Variants in ROBO2 observed in about 807,000 individuals in gnomAD.
The protein encoded by ROBO2 is roundabout homolog 2.
Under a neutral mutation model 160.8 loss-of-function variants are expected in ROBO2, and 53 were observed. The observed-to-expected ratio is 0.33, with a 90% CI of 0.26 to 0.41. ROBO2 has a LOEUF of 0.41. Ranked by LOEUF, ROBO2 falls within the 10% of genes least tolerant of loss-of-function variation. The pLI, the probability that ROBO2 is intolerant of heterozygous loss-of-function variation, is 1.00. For synonymous variants in ROBO2, 664 were observed against 611.7 expected (o/e 1.09, Z -1.26); for missense variants, 1,577 against 1,722.4 (o/e 0.92, Z 1.49).
At chr3:77,142,611 G>A (rs74788742) in intron 2 of ROBO2, among the ~76,000 whole-genome samples, 2 of 152,304 alleles carry the variant, frequency 1.3e-5, no homozygotes, top group South Asian at 2.1e-4. Context: ...AATTGTCCAC[G>A]TAGCAGGCAA....
At chr3:75,992,861 A>T (rs956223814) in intron 2 of ROBO2, among the ~76,000 whole-genome samples, 2 of 152,170 alleles carry the variant, frequency 1.3e-5, no homozygotes, top group African/African-American at 2.4e-5. Context: ...GTCAAAGGAG[A>T]TCACTTTGGA....
intron 2 of ROBO2, among the ~76,000 whole-genome samples, chr3:77,127,704 AG>A (rs2075468323): frequency 6.6e-6 from 1 of 152,160 alleles, no homozygotes; most frequent in African/African-American, 2.4e-5. Context: ...TTTCCTAATC[AG>A]GAAAATTAAG....
At chr3:77,150,763 T>C (rs1018815930) in intron 2 of ROBO2, among the ~76,000 whole-genome samples, 4 of 152,072 alleles carry the variant, frequency 2.6e-5, no homozygotes, top group Non-Finnish European at 5.9e-5. Context: ...ACTGGCTCCC[T>C]ACTTTTCTTC....
intron 2 of ROBO2, among the ~76,000 whole-genome samples, chr3:76,662,772 G>A (rs1024716587): frequency 1.3e-5 from 2 of 152,158 alleles, no homozygotes; most frequent in Non-Finnish European, 2.9e-5. Flanking sequence ...GAGTTGAGGA[G>A]TCAGGAAGGA....
At chr3:75,990,267 C>T (rs2065529402) in intron 2 of ROBO2, among the ~76,000 whole-genome samples, 1 of 152,112 alleles carries the variant, frequency 6.6e-6, no homozygotes, top group African/African-American at 2.4e-5. Context: ...CACATAATTT[C>T]CTGAAAACTC....
At chr3:76,157,647 G>T (rs1233005343) in intron 2 of ROBO2, among the ~76,000 whole-genome samples, 1 of 152,042 alleles carries the variant, frequency 6.6e-6, no homozygotes, top group African/African-American at 2.4e-5. Context: ...TCTGCCCCAG[G>T]TTCATTTTGA....
rs920481345 is a variant in ROBO2 at position 76,300,783 on chromosome 3, C to T, written c.109+363181C>T. ...CTGGAAGTTTCAGAGGCTAATGAAT[C>T]GTCCCCATGGTCATGTGAAATTGAC... On this transcript the variant is annotated intron_variant, in intron 2 of 26. Coordinates refer to the ROBO2 transcript ENST00000487694. Among the ~76,000 whole-genome samples, 45 of 151,990 alleles carry T rather than the reference C, an allele frequency of 3.0e-4. 1 individual carries two copies. The highest frequency in any genetic ancestry group is 2.4e-3 in the Admixed American group (37 of 15,236).
chr3:77,325,983 C>T (rs554857778), intron 2 of ROBO2, among the ~76,000 whole-genome samples: 1 of 152,282 alleles, frequency 6.6e-6, no homozygotes, highest in South Asian at 2.1e-4. Flanking sequence ...AGAATTCTTT[C>T]CTTGAGCTGC....
At chr3:76,669,152 AT>A (rs2092167747) in intron 2 of ROBO2, among the ~76,000 whole-genome samples, 1 of 152,116 alleles carries the variant, frequency 6.6e-6, no homozygotes, top group South Asian at 2.1e-4. Context: ...ATCCCATATT[AT>A]TGTCCTTTCT....
intron 2 of ROBO2, among the ~76,000 whole-genome samples, chr3:76,251,737 T>G (rs143339621): frequency 1.0e-3 from 157 of 152,190 alleles, no homozygotes; most frequent in African/African-American, 3.6e-3. Context: ...TTAAGATGAT[T>G]GAATTAGTTT....
At chr3:77,433,925 C>T (rs894058311) in intron 2 of ROBO2, among the ~76,000 whole-genome samples, 2 of 152,040 alleles carry the variant, frequency 1.3e-5, no homozygotes, top group Admixed American at 1.3e-4. Context: ...AATTGGGAAT[C>T]CATCTACTTC....
At chr3:76,729,784 C>T (rs112008056) in intron 2 of ROBO2, among the ~76,000 whole-genome samples, 67 of 152,134 alleles carry the variant, frequency 4.4e-4, no homozygotes, top group Non-Finnish European at 7.9e-4. Flanking sequence ...ATTACAGCCA[C>T]GTGCCACCAC....
chr3:75,985,511 C>G (rs574757980), intron 2 of ROBO2, among the ~76,000 whole-genome samples: 1 of 151,648 alleles, frequency 6.6e-6, no homozygotes, highest in South Asian at 2.1e-4. Context: ...TTCAATTTCA[C>G]TAGGCAATAG....
chr3:76,908,264 G>A (rs1277860039), intron 2 of ROBO2, among the ~76,000 whole-genome samples: 1 of 152,114 alleles, frequency 6.6e-6, no homozygotes, highest in African/African-American at 2.4e-5. Flanking sequence ...CTGTCCTTTG[G>A]ATGAAGTTTA....
intron 1 of ROBO2, among the ~76,000 whole-genome samples, chr3:77,075,937 C>T (rs2067951561): frequency 2.0e-5 from 3 of 151,970 alleles, no homozygotes; most frequent in South Asian, 2.1e-4. Flanking sequence ...CTCGGCCTCC[C>T]AAAGTGCTGG....
chr3:76,963,656 T>C (rs1390206296), intron 2 of ROBO2, among the ~76,000 whole-genome samples: 1 of 151,840 alleles, frequency 6.6e-6, no homozygotes, highest in Non-Finnish European at 1.5e-5. Context: ...GCGATAAAAT[T>C]GCCTGAGTAA....
At chr3:76,378,350 T>C (rs1350678515) in intron 2 of ROBO2, among the ~76,000 whole-genome samples, 1 of 152,140 alleles carries the variant, frequency 6.6e-6, no homozygotes, top group Non-Finnish European at 1.5e-5. Flanking sequence ...GTAATAATAT[T>C]AGAGATTTAT....
intron 1 of ROBO2, among the ~76,000 whole-genome samples, chr3:77,046,941 A>G (rs1293349078): frequency 6.6e-6 from 1 of 152,200 alleles, no homozygotes; most frequent in Non-Finnish European, 1.5e-5. Context: ...GAATAAAAAA[A>G]GTAGTGTCTG....
intron 2 of ROBO2, among the ~76,000 whole-genome samples, chr3:75,965,336 G>A (rs142695481): frequency 8.0e-4 from 60 of 75,100 alleles, no homozygotes; most frequent in African/African-American, 2.3e-3. Context: ...TATTTTCCCC[G>A]CACTTTAGTG....
Sources: gnomAD v4.1 joint callset for allele counts (sites outside exome capture counted in the v4.1 genomes callset) on GRCh38, gnomAD v4.1.1 for gene constraint, MANE v1.5 for transcripts, NCBI Gene and HGNC (gene_info 2026-07-23, HGNC 2026-07-21) for gene names.